RGS7: variants seen among roughly 807,000 people sequenced by gnomAD.
RGS7 encodes the protein regulator of G-protein signaling 7.
Under a neutral mutation model 81.1 loss-of-function variants are expected in RGS7, and 27 were observed. The observed-to-expected ratio is 0.33, with a 90% CI of 0.25 to 0.46. The LOEUF (loss-of-function observed/expected upper bound fraction) is 0.46. Among genes scored for constraint, RGS7 ranks in the 20% least tolerant of loss-of-function variants. The pLI, the probability that RGS7 is intolerant of heterozygous loss-of-function variation, is 1.00. For missense variants in RGS7, 396 were observed against 607.4 expected, an observed-to-expected ratio of 0.65 and a Z score of 3.66; for synonymous variants, 208 against 207.7, an observed-to-expected ratio of 1.00 and a Z score of -0.01.
At chr1:241,198,014 A>G (rs1048569331) in intron 2 of RGS7, among the ~76,000 whole-genome samples, 2 of 151,962 alleles carry the variant, frequency 1.3e-5, no homozygotes, top group African/African-American at 4.8e-5. Flanking sequence ...AATGTGAAGT[A>G]TATTTTCCAA....
At chr1:241,160,387 A>G (rs1298015751) in intron 2 of RGS7, among the ~76,000 whole-genome samples, 1 of 152,138 alleles carries the variant, frequency 6.6e-6, no homozygotes, top group African/African-American at 2.4e-5. Flanking sequence ...TCCAAGTGAG[A>G]GACAATGAGT....
intron 18 of RGS7, among the ~76,000 whole-genome samples, chr1:240,791,827 T>C (rs1254842500): frequency 6.6e-6 from 1 of 152,214 alleles, no homozygotes; most frequent in East Asian, 1.9e-4. Context: ...TTTTCCTAGA[T>C]ACTTAAAACA....
intron 3 of RGS7, among the ~76,000 whole-genome samples, chr1:241,029,376 C>T (rs1349524242): frequency 6.6e-6 from 1 of 152,120 alleles, no homozygotes; most frequent in East Asian, 1.9e-4. Context: ...CCCTCGAAAT[C>T]TAGCTTTGTA....
intron 3 of RGS7, among the ~76,000 whole-genome samples, chr1:241,094,030 G>T (rs948138468): frequency 6.6e-6 from 1 of 152,160 alleles, no homozygotes; most frequent in Non-Finnish European, 1.5e-5. Flanking sequence ...CCAGAAGGAA[G>T]TTTGTGCAGA....
intron 2 of RGS7, among the ~76,000 whole-genome samples, chr1:241,211,964 A>G (rs2074266624): frequency 1.3e-5 from 2 of 152,130 alleles, no homozygotes; most frequent in Admixed American, 1.3e-4. Context: ...ACTAACAATT[A>G]CATTATTATT....
chr1:241,013,139 C>T (rs997254522), intron 3 of RGS7, among the ~76,000 whole-genome samples: 1 of 149,030 alleles, frequency 6.7e-6, no homozygotes, highest in East Asian at 2.0e-4. Context: ...CTCGGCTCAC[C>T]GCAACCTCCA....
At chr1:240,880,064 C>T (rs1429783617) in intron 6 of RGS7, among the ~76,000 whole-genome samples, 1 of 152,158 alleles carries the variant, frequency 6.6e-6, no homozygotes, top group African/African-American at 2.4e-5. Flanking sequence ...CTATTTGAGA[C>T]AGGGCCTCCC....
At chr1:240,852,164 G>T (rs1660225087) in intron 9 of RGS7, among the ~76,000 whole-genome samples, 1 of 152,070 alleles carries the variant, frequency 6.6e-6, no homozygotes, top group South Asian at 2.1e-4. Context: ...TTTATTTTAA[G>T]AAGTTGCTAC....
At chr1:240,965,308 A>C (rs1001548089) in intron 4 of RGS7, among the ~76,000 whole-genome samples, 1 of 152,080 alleles carries the variant, frequency 6.6e-6, no homozygotes, top group Admixed American at 6.5e-5. Context: ...AGTAATACCT[A>C]TGTTTCTGTC....
At chr1:240,802,282 C>G (rs1443973569) in intron 16 of RGS7, among the ~76,000 whole-genome samples, 1 of 152,122 alleles carries the variant, frequency 6.6e-6, no homozygotes, top group Non-Finnish European at 1.5e-5. Context: ...ATATTGATTA[C>G]ATAAGGAGTT....
chr1:240,895,198 T>A (rs1226863439), intron 6 of RGS7, among the ~76,000 whole-genome samples: 1 of 152,210 alleles, frequency 6.6e-6, no homozygotes, highest in Non-Finnish European at 1.5e-5. Flanking sequence ...GCCAAGAAGA[T>A]GCCAGCACGA....
chr1:241,227,398 C>T (rs1216436726), intron 2 of RGS7, among the ~76,000 whole-genome samples: 4 of 152,060 alleles, frequency 2.6e-5, no homozygotes, highest in African/African-American at 4.8e-5. Context: ...GTCTCTGAGG[C>T]GGCAGGCAAT....
rs192115265 is a variant in RGS7, at chr1:240,933,044, G to T, written c.334-2276C>A. On this transcript the variant is annotated intron_variant, in intron 5 of 18. Transcript: ENST00000440928. The stretch of plus-strand genomic sequence containing the variant: ...GACTACAGGCGCCCGCACCACGCCC[G>T]GCTAATTTTTTGTATTTTCAGTAGA... Among the ~76,000 whole-genome samples the T allele has an allele frequency of 6.3e-3, 924 of 145,518 alleles. 10 individuals are homozygous for T. The highest frequency in any genetic ancestry group is 0.022 in the African/African-American group (875 of 38,998).
At chr1:240,874,763 G>A (rs556886354) in intron 6 of RGS7, among the ~76,000 whole-genome samples, 1 of 152,180 alleles carries the variant, frequency 6.6e-6, no homozygotes, top group African/African-American at 2.4e-5. Flanking sequence ...ACTCTCGGCC[G>A]GGTGCAGTGG....
chr1:241,290,967 C>T (rs902498484), intron 2 of RGS7, among the ~76,000 whole-genome samples: 5 of 152,198 alleles, frequency 3.3e-5, no homozygotes, highest in African/African-American at 1.2e-4. Context: ...GGTAAAGTGT[C>T]AGGCACACAG....
chr1:240,916,789 A>G (rs532020262), intron 6 of RGS7, among the ~76,000 whole-genome samples: 10 of 152,270 alleles, frequency 6.6e-5, no homozygotes, highest in Admixed American at 6.5e-4. Context: ...GAGCACTTCT[A>G]CCCTCATATT....
intron 9 of RGS7, among the ~76,000 whole-genome samples, chr1:240,863,582 T>C (rs935017872): frequency 6.6e-6 from 1 of 152,232 alleles, no homozygotes; most frequent in Admixed American, 6.5e-5. Context: ...ATAGGACTTA[T>C]CAGGCAGCCC....
intron 3 of RGS7, among the ~76,000 whole-genome samples, chr1:240,992,229 C>T (rs375720934): frequency 1.2e-3 from 177 of 152,244 alleles, no homozygotes; most frequent in African/African-American, 3.9e-3. Context: ...TCAGGCCGGG[C>T]GCGTTGGCTC....
chr1:240,990,483 C>T (rs536840119), intron 3 of RGS7, among the ~76,000 whole-genome samples: 1 of 152,278 alleles, frequency 6.6e-6, no homozygotes, highest in Non-Finnish European at 1.5e-5. Context: ...TTTATGTGCA[C>T]TAAAACAGCT....
Sources: allele counts gnomAD v4.1 joint callset (sites outside exome capture counted in the v4.1 genomes callset), GRCh38; gene constraint gnomAD v4.1.1; transcripts MANE v1.5; gene names NCBI Gene and HGNC (gene_info 2026-07-23, HGNC 2026-07-21).